Variants in ASAP1 observed in about 807,000 individuals in gnomAD.
ASAP1 encodes the protein arf-GAP with SH3 domain, ANK repeat and PH domain-containing protein 1.
A neutral mutation model predicts 145.2 loss-of-function variants in ASAP1; 43 were observed. The ratio of observed to expected loss-of-function variants is 0.30; its 90% CI spans 0.23 to 0.38. The LOEUF (loss-of-function observed/expected upper bound fraction) is 0.38. Among genes scored for constraint, ASAP1 ranks in the 10% least tolerant of loss-of-function variants. The pLI is 1.00. For missense variants in ASAP1, 1,018 were observed against 1,355.3 expected, an observed-to-expected ratio of 0.75 and a Z score of 3.91; for synonymous variants, 546 against 515.5, an observed-to-expected ratio of 1.06 and a Z score of -0.80.
At chr8:130,317,072 T>C (rs1367165242) in intron 3 of ASAP1, among the ~76,000 whole-genome samples, 2 of 147,126 alleles carry the variant, frequency 1.4e-5, no homozygotes. Context: ...ATTTTGCTTT[T>C]AGTTTCACAT....
At chr8:130,227,501 G>A (rs957638858) in intron 4 of ASAP1, among the ~76,000 whole-genome samples, 4 of 151,702 alleles carry the variant, frequency 2.6e-5, no homozygotes, top group South Asian at 2.1e-4. Flanking sequence ...CAAGTGATTC[G>A]CCTCCCTTGG....
At chr8:130,222,876 T>A (rs1817374732) in intron 4 of ASAP1, among the ~76,000 whole-genome samples, 1 of 152,134 alleles carries the variant, frequency 6.6e-6, no homozygotes, top group African/African-American at 2.4e-5. Flanking sequence ...TGCTCCTAAC[T>A]AGTGTACTTG....
At chr8:130,172,971 A>G (rs1813689416) in intron 9 of ASAP1, among the ~76,000 whole-genome samples, 1 of 152,240 alleles carries the variant, frequency 6.6e-6, no homozygotes, top group Admixed American at 6.5e-5. Flanking sequence ...TTTGTAAACA[A>G]AACAAACCAG....
intron 1 of ASAP1, among the ~76,000 whole-genome samples, chr8:130,403,554 C>CTTTTCT (rs1828893846): frequency 8.0e-6 from 1 of 125,396 alleles, no homozygotes. Flanking sequence ...TTTTCTTTTT[C>CTTTTCT]TTTTTTTTTT....
At chr8:130,223,082 T>C (rs372809847) in intron 4 of ASAP1, among the ~76,000 whole-genome samples, 28 of 152,302 alleles carry the variant, frequency 1.8e-4, no homozygotes, top group African/African-American at 6.5e-4. Flanking sequence ...GGTAAAGGTG[T>C]CATAATTAAT....
At chr8:130,168,123 A>G (rs1306581412) in intron 10 of ASAP1, among the ~76,000 whole-genome samples, 2 of 152,194 alleles carry the variant, frequency 1.3e-5, no homozygotes, top group African/African-American at 4.8e-5. Context: ...AGAAAATCAG[A>G]AAAAATACAT....
chr8:130,118,525 C>A lies in ASAP1; in HGVS notation c.1758G>T (p.Gly586=), dbSNP rs747300307. 6.2e-7 allele frequency: 1 copy of A among 1,613,708 alleles called. No individual in the cohort carries two copies. The highest frequency in any genetic ancestry group is 1.7e-5 in the Admixed American group (1 of 59,948). Residue 586 remains glycine, a synonymous_variant, in exon 19 of 30, where the codon GGG becomes GGT. Transcript: ENST00000518721. The part of the protein sequence containing the change: ...LLALIQVYAE[G]VELMEPLLEP... ...CCAGCAGTGGTTCCATTAGCTCTAC[C>A]CCTTCTGCATAGACTTGAATTAGTG...
chr8:130,400,194 C>G (rs1828721334), intron 2 of ASAP1, among the ~76,000 whole-genome samples: 1 of 152,188 alleles, frequency 6.6e-6, no homozygotes, highest in African/African-American at 2.4e-5. Flanking sequence ...CTTCTAGCAC[C>G]CACACACTTT....
rs199814916 is a variant in ASAP1 at position 130,309,971 on chromosome 8, TA to T, written c.186+48045del. Among the ~76,000 whole-genome samples, 1,182 of 152,206 alleles carry T rather than the reference TA, an allele frequency of 7.8e-3. 16 individuals carry two copies. The highest frequency in any genetic ancestry group is 0.027 in the African/African-American group (1,135 of 41,538). ...TGGTAATTTCAGTAATAGCAGACAA[TA>T]AAAAAACAGAGGCTCTTTTCTAAAT... On this transcript the variant is annotated intron_variant, in intron 3 of 29. Transcript: ENST00000518721.
At chr8:130,360,327 C>G (rs527787037) in intron 2 of ASAP1, among the ~76,000 whole-genome samples, 38 of 152,288 alleles carry the variant, frequency 2.5e-4, no homozygotes, top group Non-Finnish European at 4.7e-4. Context: ...GCATCTTGGG[C>G]CCTCAGCTGC....
intron 7 of ASAP1, among the ~76,000 whole-genome samples, chr8:130,184,406 G>C (rs1380405039): frequency 6.6e-6 from 1 of 152,172 alleles, no homozygotes; most frequent in Non-Finnish European, 1.5e-5. Context: ...AAAAAGGGGA[G>C]GGACTAACAG....
chr8:130,275,663 C>A (rs535685801), intron 3 of ASAP1, among the ~76,000 whole-genome samples: 67 of 151,754 alleles, frequency 4.4e-4, no homozygotes, highest in African/African-American at 1.4e-3. Context: ...AAGATTCTTG[C>A]ACAATTAGAG....
intron 5 of ASAP1, among the ~76,000 whole-genome samples, chr8:130,189,878 T>C (rs1465419005): frequency 2.0e-5 from 3 of 152,224 alleles, no homozygotes; most frequent in African/African-American, 4.8e-5. Context: ...CACTGAAGTT[T>C]TGATTCGCAT....
intron 1 of ASAP1, among the ~76,000 whole-genome samples, chr8:130,402,611 C>T (rs1166572549): frequency 1.3e-5 from 2 of 152,126 alleles, no homozygotes; most frequent in Non-Finnish European, 2.9e-5. Flanking sequence ...GCCAAGGGAC[C>T]TCCTTGGCTT....
At chr8:130,120,538 G>C (rs563285567) in intron 18 of ASAP1, among the ~76,000 whole-genome samples, 2 of 152,184 alleles carry the variant, frequency 1.3e-5, no homozygotes, top group African/African-American at 2.4e-5. Flanking sequence ...ATTATTATCC[G>C]GGAGGCCAGA....
At chr8:130,192,290 A>G (rs928562001) in intron 5 of ASAP1, among the ~76,000 whole-genome samples, 1 of 149,746 alleles carries the variant, frequency 6.7e-6, no homozygotes, top group African/African-American at 2.5e-5. Context: ...TATATAACTG[A>G]TATCAACTAT....
chr8:130,350,075 G>A (rs1211916600), intron 3 of ASAP1, among the ~76,000 whole-genome samples: 2 of 152,212 alleles, frequency 1.3e-5, no homozygotes, highest in Non-Finnish European at 2.9e-5. Flanking sequence ...GGCTTCTAAT[G>A]AAAGGCTGCT....
chr8:130,236,795 T>G (rs1818239919), intron 4 of ASAP1, 127 bp downstream of exon 4: 1 of 635,664 alleles, frequency 1.6e-6, no homozygotes, highest in African/African-American at 1.9e-5. Flanking sequence ...AAAGAGAAAT[T>G]TCTTTTACCT....
chr8:130,105,736 T>C (rs979935780), intron 24 of ASAP1, among the ~76,000 whole-genome samples: 6 of 152,190 alleles, frequency 3.9e-5, no homozygotes, highest in Non-Finnish European at 5.9e-5. Context: ...GAAACAGGCA[T>C]GGTGGAGTAG....
Sources: gnomAD v4.1 joint callset for allele counts (sites outside exome capture counted in the v4.1 genomes callset) on GRCh38, gnomAD v4.1.1 for gene constraint, MANE v1.5 for transcripts, NCBI Gene and HGNC (gene_info 2026-07-23, HGNC 2026-07-21) for gene names.